The following MACROD2 variants were observed in gnomAD, a reference collection of about 807,000 sequenced individuals.
The protein encoded by MACROD2 is ADP-ribose glycohydrolase MACROD2.
Under a neutral mutation model 70.4 loss-of-function variants are expected in MACROD2, and 36 were observed. The observed-to-expected ratio is 0.51, with a 90% CI of 0.39 to 0.68. The LOEUF (loss-of-function observed/expected upper bound fraction) is 0.68, where lower values mean the gene tolerates loss of function less well. Among genes scored for constraint, MACROD2 ranks in the 30% least tolerant of loss-of-function variants. The probability of loss-of-function intolerance (pLI) is 0.00; values close to 1 mark genes in which losing one functional copy is unlikely to be tolerated. For synonymous variants in MACROD2, 172 were observed against 178.8 expected (o/e 0.96, Z 0.30); for missense variants, 496 against 538.4 (o/e 0.92, Z 0.78).
At chr20:15,651,480 G>T (rs960592846) in intron 8 of MACROD2, among the ~76,000 whole-genome samples, 1 of 152,120 alleles carries the variant, frequency 6.6e-6, no homozygotes. Context: ...CACCAGGGTC[G>T]TTGGCAAAAG....
chr20:14,093,878 A>C (rs1445013062), intron 3 of MACROD2, among the ~76,000 whole-genome samples: 1 of 152,176 alleles, frequency 6.6e-6, no homozygotes, highest in Non-Finnish European at 1.5e-5. Flanking sequence ...AGGTGAGTGT[A>C]TATTGCACTT....
At chr20:14,723,527 T>A (rs560706289) in intron 5 of MACROD2, among the ~76,000 whole-genome samples, 1 of 150,420 alleles carries the variant, frequency 6.6e-6, no homozygotes, top group South Asian at 2.1e-4. Context: ...TTCTTTGAGG[T>A]GACTAAATGT....
In MACROD2 at chr20:15,526,294, T is replaced by C. The variant is rs183798930; in HGVS notation, c.645+26447T>C. 3.9e-4 allele frequency among the ~76,000 whole-genome samples: 59 copies of C among 152,326 alleles called. No individual in the cohort carries two copies. In the East Asian group the frequency reaches 7.5e-3, roughly 19 times the overall value. ...TAGCTGGACCCCAAATATCTGATCT[T>C]TTGAAACAATTAGATGACAATGATG... is the stretch of plus-strand genomic sequence containing the variant. On this transcript the variant is annotated intron_variant, in intron 8 of 17. Transcript: ENST00000684519.
intron 3 of MACROD2, among the ~76,000 whole-genome samples, chr20:14,254,041 A>G (rs2082032940): frequency 2.0e-5 from 3 of 152,126 alleles, no homozygotes; most frequent in Admixed American, 2.0e-4. Flanking sequence ...AAATTAACAA[A>G]TAGAGCATTA....
intron 5 of MACROD2, among the ~76,000 whole-genome samples, chr20:14,944,724 C>T (rs899131736): frequency 4.6e-5 from 7 of 152,154 alleles, no homozygotes; most frequent in Non-Finnish European, 8.8e-5. Context: ...GAACCACTCA[C>T]TTCACTGCTG....
intron 8 of MACROD2, among the ~76,000 whole-genome samples, chr20:15,722,976 C>T (rs2050808941): frequency 6.6e-6 from 1 of 152,074 alleles, no homozygotes; most frequent in Non-Finnish European, 1.5e-5. Context: ...CTAATAAGTT[C>T]ATTCTTTCCT....
At chr20:14,686,490 T>C (rs1381018227) in intron 5 of MACROD2, among the ~76,000 whole-genome samples, 1 of 152,222 alleles carries the variant, frequency 6.6e-6, no homozygotes, top group Non-Finnish European at 1.5e-5. Flanking sequence ...TTTTGGAGCA[T>C]TTTGAATTTC....
chr20:15,259,182 TAAC>T (rs145254296), intron 6 of MACROD2, among the ~76,000 whole-genome samples: 4 of 151,396 alleles, frequency 2.6e-5, no homozygotes, highest in Middle Eastern at 3.4e-3. Flanking sequence ...GGTAATTTTT[TAAC>T]AACAACAACA....
chr20:14,399,473 A>G (rs1204022282), intron 3 of MACROD2, among the ~76,000 whole-genome samples: 1 of 151,820 alleles, frequency 6.6e-6, no homozygotes, highest in Non-Finnish European at 1.5e-5. Context: ...GTAAGATGTA[A>G]TTTCTCTCTA....
At chr20:15,129,102 G>A (rs1234090591) in intron 5 of MACROD2, among the ~76,000 whole-genome samples, 3 of 151,936 alleles carry the variant, frequency 2.0e-5, no homozygotes, top group East Asian at 1.9e-4. Flanking sequence ...GTCAAATTAT[G>A]TATTTACATT....
intron 3 of MACROD2, among the ~76,000 whole-genome samples, chr20:14,087,798 A>G (rs1025416686): frequency 2.0e-5 from 3 of 152,140 alleles, no homozygotes; most frequent in African/African-American, 4.8e-5. Flanking sequence ...AATTTAATGT[A>G]TATGCCCTAA....
intron 15 of MACROD2, among the ~76,000 whole-genome samples, chr20:15,999,854 T>G (rs1372203385): frequency 1.3e-5 from 2 of 152,154 alleles, no homozygotes; most frequent in Admixed American, 1.3e-4. Flanking sequence ...ATTATTAAAG[T>G]AGAAGTGATA....
At chr20:14,999,186 TC>T (rs1233118969) in intron 5 of MACROD2, among the ~76,000 whole-genome samples, 1 of 152,128 alleles carries the variant, frequency 6.6e-6, no homozygotes, top group Non-Finnish European at 1.5e-5. Flanking sequence ...CAATAGGAAA[TC>T]ATCTGAAGGC....
At chr20:14,156,787 T>C (rs1350086580) in intron 3 of MACROD2, among the ~76,000 whole-genome samples, 2 of 152,248 alleles carry the variant, frequency 1.3e-5, no homozygotes, top group African/African-American at 2.4e-5. Context: ...TGGTGATTGC[T>C]AACTACTGAG....
chr20:15,599,217 T>TA (rs1434613245), intron 8 of MACROD2, among the ~76,000 whole-genome samples: 57 of 144,734 alleles, frequency 3.9e-4, no homozygotes, highest in African/African-American at 8.5e-4. Flanking sequence ...CTGTCTCTAC[T>TA]AAAATACAAA....
At chr20:15,360,525 A>G (rs116157338) in intron 6 of MACROD2, among the ~76,000 whole-genome samples, 2,683 of 152,140 alleles carry the variant, frequency 0.018, 76 homozygotes, top group African/African-American at 0.06. Context: ...TATTTTTTCT[A>G]TTTGCTTGAC....
At chr20:16,030,785 A>G (rs1025865265) in intron 15 of MACROD2, among the ~76,000 whole-genome samples, 7 of 152,180 alleles carry the variant, frequency 4.6e-5, no homozygotes, top group African/African-American at 1.7e-4. Context: ...TGGAAGAGAA[A>G]ACACAAAAAT....
At position 15,427,242 on chromosome 20, in the gene MACROD2, C is replaced by A. The variant is rs557786168; in HGVS notation, c.541-4163C>A. ...GCTCCCACATTCAAGGCAACGATGT[C>A]ATTTCCAGATGAAACTATTTGTCCT... is the stretch of plus-strand genomic sequence containing the variant. On this transcript the variant is annotated intron_variant, in intron 6 of 17. Coordinates refer to ENST00000684519, the MANE Select transcript of MACROD2 (RefSeq NM_001351661.2). Among the ~76,000 whole-genome samples, 3 of 152,344 alleles carry A rather than the reference C, an allele frequency of 2.0e-5. No homozygotes were observed. The South Asian group carries it at 6.2e-4, about 32-fold the overall frequency.
intron 3 of MACROD2, among the ~76,000 whole-genome samples, chr20:14,091,635 T>G (rs1374144866): frequency 6.6e-6 from 1 of 152,116 alleles, no homozygotes; most frequent in East Asian, 1.9e-4. Context: ...ATAATAATAA[T>G]AATAAAGTCA....
Sources: gnomAD v4.1 joint callset for allele counts (sites outside exome capture counted in the v4.1 genomes callset) on GRCh38, gnomAD v4.1.1 for gene constraint, MANE v1.5 for transcripts, NCBI Gene and HGNC (gene_info 2026-07-23, HGNC 2026-07-21) for gene names.